GPC6: variants seen among roughly 807,000 people sequenced by gnomAD.
GPC6 encodes the protein glypican-6.
GPC6 carries 14 observed loss-of-function variants against 55.2 expected under a neutral mutation model. That is an observed-to-expected ratio of 0.25 (90% confidence interval 0.17 to 0.40). GPC6 has a LOEUF of 0.40. GPC6 is among the 10% of genes least tolerant of loss of function. The probability of loss-of-function intolerance (pLI) is 1.00; values close to 1 mark genes in which losing one functional copy is unlikely to be tolerated. For synonymous variants in GPC6, 278 were observed against 259.6 expected (o/e 1.07, Z -0.68); for missense variants, 641 against 708.5 (o/e 0.90, Z 1.08).
intron 3 of GPC6, among the ~76,000 whole-genome samples, chr13:93,874,539 A>G (rs1889228899): frequency 6.6e-6 from 1 of 150,750 alleles, no homozygotes. Flanking sequence ...ATGACACTGT[A>G]TCCCAGGGCT....
chr13:93,895,156 G>T (rs1875916320), intron 3 of GPC6, among the ~76,000 whole-genome samples: 1 of 144,612 alleles, frequency 6.9e-6, no homozygotes, highest in African/African-American at 2.6e-5. Flanking sequence ...TCACCTCTAA[G>T]TCCATATATG....
At chr13:93,992,583 A>G (rs755492511) in intron 3 of GPC6, among the ~76,000 whole-genome samples, 2 of 152,214 alleles carry the variant, frequency 1.3e-5, no homozygotes, top group Non-Finnish European at 1.5e-5. Flanking sequence ...ACTCAAGGTT[A>G]ATTCAAGGTA....
intron 3 of GPC6, among the ~76,000 whole-genome samples, chr13:93,979,319 T>TTTGTGTGTGTTTTCTTGTG (rs1880675485): frequency 1.1e-5 from 1 of 93,752 alleles, no homozygotes; most frequent in Non-Finnish European, 2.4e-5. Context: ...GTGTGTGTGT[T>TTTGTGTGTGTTTTCTTGTG]TGTGTGTGTT....
chr13:93,301,610 T>C (rs1446604726), intron 1 of GPC6, among the ~76,000 whole-genome samples: 1 of 152,222 alleles, frequency 6.6e-6, no homozygotes, highest in Non-Finnish European at 1.5e-5. Context: ...TCTTGAATAC[T>C]CCAGTGCCCA....
chr13:93,799,311 C>A (rs1886298091), intron 2 of GPC6, among the ~76,000 whole-genome samples: 1 of 152,154 alleles, frequency 6.6e-6, no homozygotes, highest in African/African-American at 2.4e-5. Flanking sequence ...CCTTTCAAAT[C>A]TGAGTGATTT....
At chr13:93,983,533 T>A (rs1022337901) in intron 3 of GPC6, among the ~76,000 whole-genome samples, 1 of 152,078 alleles carries the variant, frequency 6.6e-6, no homozygotes, top group African/African-American at 2.4e-5. Context: ...ACTCCTGGGC[T>A]CAAGCAATCC....
At chr13:94,289,677 A>C (rs1222158880) in intron 5 of GPC6, among the ~76,000 whole-genome samples, 2 of 151,334 alleles carry the variant, frequency 1.3e-5, no homozygotes, top group Admixed American at 6.6e-5. Context: ...CTAGAAAAAT[A>C]AATAAATCTT....
At chr13:94,091,746 A>C (rs897943956) in intron 4 of GPC6, among the ~76,000 whole-genome samples, 2 of 152,092 alleles carry the variant, frequency 1.3e-5, no homozygotes, top group Non-Finnish European at 2.9e-5. Context: ...GATGATGACC[A>C]GAAGATATGG....
At chr13:94,148,684 A>C (rs746522898) in intron 4 of GPC6, among the ~76,000 whole-genome samples, 1 of 152,098 alleles carries the variant, frequency 6.6e-6, no homozygotes, top group Non-Finnish European at 1.5e-5. Flanking sequence ...TGTTATTATT[A>C]TTATTATTAT....
intron 3 of GPC6, among the ~76,000 whole-genome samples, chr13:93,946,514 A>C (rs560665982): frequency 4.6e-5 from 7 of 152,370 alleles, no homozygotes; most frequent in African/African-American, 1.7e-4. Context: ...CAAGCTTACA[A>C]AATTCATGAA....
intron 2 of GPC6, among the ~76,000 whole-genome samples, chr13:93,822,844 A>ATT (rs1297273413): frequency 4.1e-5 from 6 of 146,492 alleles, no homozygotes; most frequent in African/African-American, 1.5e-4. Flanking sequence ...TATTATTATT[A>ATT]TTATTATTAT....
chr13:93,914,601 A>C (rs1005440967), intron 3 of GPC6, among the ~76,000 whole-genome samples: 4 of 152,250 alleles, frequency 2.6e-5, no homozygotes, highest in African/African-American at 9.6e-5. Context: ...TCCCAAATAA[A>C]GCACTGACCT....
chr13:93,825,872 T>A (rs145143392), intron 2 of GPC6, among the ~76,000 whole-genome samples: 1 of 146,324 alleles, frequency 6.8e-6, no homozygotes, highest in African/African-American at 2.5e-5. Flanking sequence ...TTTTTTTTTT[T>A]TTTTTTTGAG....
rs79065356 is a variant in GPC6, at chr13:94,223,026, G to C, written c.878-63323G>C. ...AACCCTTAAAATGAAGTAAATTTGG[G>C]AACCTTTTAAAGAAGAATGGCTATA... On this transcript the variant is annotated intron_variant, in intron 4 of 8. Transcript: ENST00000377047. Among the ~76,000 whole-genome samples, 1,407 of 152,090 alleles carry C rather than the reference G, an allele frequency of 9.3e-3. 13 individuals carry two copies. Among genetic ancestry groups the C allele is most frequent in the Middle Eastern group, 0.051 (15 of 294 alleles).
At chr13:93,508,135 G>T in intron 1 of GPC6, among the ~76,000 whole-genome samples, 1 of 152,100 alleles carries the variant, frequency 6.6e-6, no homozygotes, top group East Asian at 1.9e-4. Context: ...AACTAAGCAG[G>T]GTAAAGGGAT....
chr13:93,655,368 T>C (rs1021625748), intron 2 of GPC6, among the ~76,000 whole-genome samples: 1 of 152,100 alleles, frequency 6.6e-6, no homozygotes, highest in Non-Finnish European at 1.5e-5. Context: ...AGGATAAAAA[T>C]TGATGTCCCT....
chr13:93,633,402 T>G (rs943326769), intron 2 of GPC6, among the ~76,000 whole-genome samples: 7 of 152,066 alleles, frequency 4.6e-5, no homozygotes, highest in African/African-American at 1.2e-4. Context: ...TCACAGCACT[T>G]TGGGAGGCCG....
chr13:93,480,668 C>G (rs1393862436), intron 1 of GPC6, among the ~76,000 whole-genome samples: 1 of 152,200 alleles, frequency 6.6e-6, no homozygotes, highest in Non-Finnish European at 1.5e-5. Context: ...CCCTGGTTCC[C>G]TATCCCTTGG....
chr13:94,078,854 T>G (rs1260223908), intron 4 of GPC6, among the ~76,000 whole-genome samples: 1 of 151,858 alleles, frequency 6.6e-6, no homozygotes, highest in Non-Finnish European at 1.5e-5. Context: ...CAAACCCTTT[T>G]AAAAAATTGG....
Sources: allele counts gnomAD v4.1 joint callset (sites outside exome capture counted in the v4.1 genomes callset), GRCh38; gene constraint gnomAD v4.1.1; transcripts MANE v1.5; gene names NCBI Gene and HGNC (gene_info 2026-07-23, HGNC 2026-07-21).